Variants in TLN2 observed in about 807,000 individuals in gnomAD.
TLN2 encodes talin-2.
In TLN2, 118 loss-of-function variants were observed where a neutral mutation model predicts 294.7. The observed-to-expected ratio is 0.40, with a 90% CI of 0.34 to 0.47. The LOEUF (loss-of-function observed/expected upper bound fraction) is 0.47. TLN2 is among the 20% of genes least tolerant of loss of function. The pLI, the probability that TLN2 is intolerant of heterozygous loss-of-function variation, is 0.84. For missense variants in TLN2, 3,083 were observed against 3,282.2 expected, an observed-to-expected ratio of 0.94 and a Z score of 1.48; for synonymous variants, 1,431 against 1,304.5, an observed-to-expected ratio of 1.10 and a Z score of -2.09.
intron 42 of TLN2, among the ~76,000 whole-genome samples, chr15:62,772,609 G>C (rs979995839): frequency 1.3e-5 from 2 of 151,934 alleles, no homozygotes; most frequent in African/African-American, 4.8e-5. Context: ...ACTCCTACCT[G>C]ATGGTTTCAG....
At chr15:62,582,246 A>ACACACACACCCACACACCCC (rs764248336) in intron 1 of TLN2, among the ~76,000 whole-genome samples, 1 of 137,240 alleles carries the variant, frequency 7.3e-6, no homozygotes, top group South Asian at 2.5e-4. Context: ...ACACACACAC[A>ACACACACACCCACACACCCC]CATTCATGCC....
At chr15:62,581,545 G>A (rs951831745) in intron 1 of TLN2, among the ~76,000 whole-genome samples, 8 of 152,166 alleles carry the variant, frequency 5.3e-5, no homozygotes, top group South Asian at 4.1e-4. Context: ...ATAAGAGCAC[G>A]TTTGTGCTCT....
intron 11 of TLN2, among the ~76,000 whole-genome samples, chr15:62,680,933 T>TA (rs1386110833): frequency 6.6e-6 from 1 of 152,206 alleles, no homozygotes; most frequent in African/African-American, 2.4e-5. Context: ...GGCTGAGTAG[T>TA]ATTCCATGGT....
intron 52 of TLN2, among the ~76,000 whole-genome samples, chr15:62,810,335 G>A (rs1310251603): frequency 1.3e-5 from 2 of 152,164 alleles, no homozygotes; most frequent in Non-Finnish European, 2.9e-5. Flanking sequence ...GTGGGCGGGC[G>A]GCCAGTGCCA....
chr15:62,523,252 A>G lies in TLN2; in HGVS notation c.-237-66435A>G, dbSNP rs142546241. On this transcript the variant is annotated intron_variant, in intron 1 of 58. Coordinates refer to ENST00000636159, the MANE Select transcript of TLN2 (RefSeq NM_015059.3). ...ACTGGGCAATTAAGTTGGGGAAGAT[A>G]AAATGTTTAGCTGACATATGACTTA... Among the ~76,000 whole-genome samples, 43 of 152,350 alleles carry G rather than the reference A, an allele frequency of 2.8e-4. 1 individual carries two copies. In the East Asian group the frequency reaches 6.2e-3, roughly 22 times the overall value.
chr15:62,659,759 T>C (rs1052329262), intron 9 of TLN2, among the ~76,000 whole-genome samples: 1 of 152,258 alleles, frequency 6.6e-6, no homozygotes, highest in Non-Finnish European at 1.5e-5. Flanking sequence ...TGTTTTTCCT[T>C]ATGAATTTGA....
At chr15:62,427,569 G>T (rs982838300) in intron 1 of TLN2, among the ~76,000 whole-genome samples, 1 of 152,020 alleles carries the variant, frequency 6.6e-6, no homozygotes, top group African/African-American at 2.4e-5. Flanking sequence ...TGCTGGGCTG[G>T]GGGGTGGATG....
intron 1 of TLN2, among the ~76,000 whole-genome samples, chr15:62,422,465 T>C (rs767363262): frequency 2.0e-5 from 3 of 152,204 alleles, no homozygotes; most frequent in Non-Finnish European, 4.4e-5. Flanking sequence ...TAGTTGCTAT[T>C]AATATAAAAT....
intron 54 of TLN2, chr15:62,824,094 T>A: frequency 2.3e-6 from 1 of 436,504 alleles, no homozygotes. Flanking sequence ...AAGAACACGT[T>A]AAAATCACAA....
chr15:62,525,133 C>T (rs1427632857), intron 1 of TLN2, among the ~76,000 whole-genome samples: 1 of 152,202 alleles, frequency 6.6e-6, no homozygotes, highest in Non-Finnish European at 1.5e-5. Flanking sequence ...CACACGATTC[C>T]TTCCCTGAGC....
chr15:62,727,137 C>A lies in TLN2; in HGVS notation c.3306C>A (p.Ser1102=). The A allele has an allele frequency of 6.2e-7, 1 of 1,614,220 alleles. No homozygotes were observed. Among genetic ancestry groups the A allele is most frequent in the Admixed American group, 1.7e-5 (1 of 60,030 alleles). ...DLGSTSKAVG[S]SMAQLLTCAA... is the part of the protein sequence containing the mutation. ...GAAGCACATCCAAGGCGGTGGGCTC[C>A]TCCATGGCACAGCTGCTGACCTGTG... The change falls in exon 28 of 59, where the codon TCC becomes TCA. Residue 1102 remains serine, a synonymous_variant. Transcript: ENST00000636159.
Position 62,673,880 on chromosome 15 carries a change from G to A in TLN2, c.842G>A (p.Arg281Lys). 6.2e-7 allele frequency: 1 copy of A among 1,612,820 alleles called. No individual in the cohort carries two copies. The highest frequency in any genetic ancestry group is 1.1e-5 in the South Asian group (1 of 90,992). Residue 281 changes from arginine to lysine, a missense_variant, in exon 10 of 59, where the codon AGG (arginine) becomes AAG (lysine). By Grantham distance (26) the Arg-to-Lys change is conservative. Coordinates refer to ENST00000636159, the MANE Select transcript of TLN2 (RefSeq NM_015059.3). ...EYIKQRGAEK[R>K]IFQEHKNCGE... ...ATCAAGCAGAGAGGAGCTGAAAAGA[G>A]GATCTTTCAGGTATTGGAAATGTAC...
intron 1 of TLN2, among the ~76,000 whole-genome samples, chr15:62,417,833 C>T (rs1409991102): frequency 7.2e-5 from 11 of 152,210 alleles, no homozygotes; most frequent in Admixed American, 7.2e-4. Flanking sequence ...CTAGGCTTGT[C>T]AGGCCTTCCC....
Position 62,604,695 on chromosome 15 carries a change from T to C in TLN2, c.-161-13656T>C, listed in dbSNP as rs28665823. Among the ~76,000 whole-genome samples, 403 of 58,286 alleles carry C rather than the reference T, an allele frequency of 6.9e-3. 4 individuals are homozygous for C. Among genetic ancestry groups the C allele is most frequent in the African/African-American group, 0.027 (391 of 14,534 alleles). The allele number at this position is 58,286 out of a possible 152,430, so 38.2% of individuals were successfully genotyped here. A position where few individuals can be genotyped will look rare whatever the true frequency, so the allele number is the denominator to read the frequency against. ...AAGTGGATTTCTTCTCTTCGTCTTCTTTTTTTTTTTTTTTTAATTATTTGA... is the reference window on the plus strand; with the variant it reads ...AAGTGGATTTCTTCTCTTCGTCTTCCTTTTTTTTTTTTTTTAATTATTTGA... On this transcript the variant is annotated intron_variant, in intron 2 of 58. Transcript: ENST00000636159.
At chr15:62,555,934 C>CTTTTTTTTTTTTTTTTTTTTTTT in intron 1 of TLN2, among the ~76,000 whole-genome samples, 1 of 120,116 alleles carries the variant, frequency 8.3e-6, no homozygotes, top group Non-Finnish European at 1.8e-5. Context: ...ATTTTTTAAA[C>CTTTTTTTTTTTTTTTTTTTTTTT]TTTTTTTTTT....
Position 62,796,249 on chromosome 15 carries a change from G to A in TLN2, c.6006G>A (p.Ala2002=), listed in dbSNP as rs755541069. 11 of 1,614,062 alleles carry A rather than the reference G, an allele frequency of 6.8e-6. No homozygotes were observed. Among genetic ancestry groups the A allele is most frequent in the South Asian group, 3.3e-5 (3 of 91,090 alleles). ...DLDTTIMFAT[A]GTLNAENSET... Reference sequence around the variant, plus strand: ...ACACCACCATTATGTTTGCAACAGCGGGGACGCTGAATGCAGAGAACAGTG... The same window carrying A: ...ACACCACCATTATGTTTGCAACAGCAGGGACGCTGAATGCAGAGAACAGTG... The change falls in exon 47 of 59, where the codon GCG becomes GCA. Residue 2002 remains alanine, a synonymous_variant. Transcript: ENST00000636159.
intron 1 of TLN2, among the ~76,000 whole-genome samples, chr15:62,477,668 G>A (rs962725715): frequency 2.6e-5 from 4 of 152,046 alleles, no homozygotes; most frequent in African/African-American, 7.2e-5. Context: ...AAAATACTGC[G>A]GATGTTTGGT....
In TLN2 at chr15:62,800,725, A is replaced by G; in HGVS notation, c.6433A>G (p.Arg2145Gly). ...GGAGGATGAGGCCACCCGGGGCACC[A>G]GGGCGCTTGAGGCCACAATTGAATG... ...AVEDEATRGT[R>G]ALEATIECIK... Residue 2145 changes from arginine (R) to glycine (G), a missense_variant, in exon 50 of 59, where the codon AGG becomes GGG. Physicochemically the swap from Arg to Gly is moderately radical, Grantham distance 125. Coordinates refer to ENST00000636159, the MANE Select transcript of TLN2 (RefSeq NM_015059.3). The G allele has an allele frequency of 6.2e-7, 1 of 1,613,744 alleles. No homozygotes were observed. The highest frequency in any genetic ancestry group is 8.5e-7 in the Non-Finnish European group (1 of 1,179,830).
intron 1 of TLN2, among the ~76,000 whole-genome samples, chr15:62,394,605 G>A (rs942917402): frequency 6.6e-6 from 1 of 152,146 alleles, no homozygotes. Context: ...ATGACCAGAT[G>A]TTTTGCCTAA....
Sources: gnomAD v4.1 joint callset for allele counts (sites outside exome capture counted in the v4.1 genomes callset) on GRCh38, gnomAD v4.1.1 for gene constraint, MANE v1.5 for transcripts, NCBI Gene and HGNC (gene_info 2026-07-23, HGNC 2026-07-21) for gene names.